Variants in DYTN observed in about 807,000 individuals in gnomAD.
The protein encoded by DYTN is dystrotelin.
Under a neutral mutation model 69.6 loss-of-function variants are expected in DYTN, and 75 were observed. The ratio of observed to expected loss-of-function variants is 1.08; its 90% CI spans 0.89 to 1.31. The LOEUF (loss-of-function observed/expected upper bound fraction) is 1.31, where lower values mean the gene tolerates loss of function less well. Among genes scored for constraint, DYTN ranks in the 50% most tolerant of loss-of-function variants. The pLI, the probability that DYTN is intolerant of heterozygous loss-of-function variation, is 0.00. For synonymous variants in DYTN, 252 were observed against 249.1 expected (o/e 1.01, Z -0.11); for missense variants, 726 against 688.4 (o/e 1.05, Z -0.61).
At position 206,707,410 on chromosome 2, in the gene DYTN, G is replaced by A. The variant is rs1308541447; in HGVS notation, c.188C>T (p.Ser63Phe). ...RKHSLSVQQL[S>F]QALQELFQKA... ...CTGAAACAGCTCTTGGAGTGCCTGA[G>A]AAAGTTGCTGCACAGAAAGGGAGTG... The change falls in exon 3 of 12, where the codon TCT (serine) becomes TTT (phenylalanine). Residue 63 changes from serine (S) to phenylalanine (F), a missense_variant. Ser to Phe is a radical substitution (Grantham distance 155). Coordinates refer to ENST00000452335, the MANE Select transcript of DYTN (RefSeq NM_001093730.1). 9.9e-6 allele frequency: 16 copies of A among 1,613,338 alleles called. No homozygotes were observed. Among genetic ancestry groups the A allele is most frequent in the Non-Finnish European group, 1.4e-5 (16 of 1,179,712 alleles).
chr2:206,668,291 A>G (rs1256682474), intron 9 of DYTN, among the ~76,000 whole-genome samples: 1 of 152,218 alleles, frequency 6.6e-6, no homozygotes, highest in Admixed American at 6.5e-5. Flanking sequence ...CTGGACAACT[A>G]GAAGACATAA....
rs559507280 is a variant in DYTN at position 206,663,187 on chromosome 2, A to C, written c.1349T>G (p.Leu450Arg). 1 of 1,613,950 alleles carries C rather than the reference A, an allele frequency of 6.2e-7. No individual in the cohort carries two copies. The highest frequency in any genetic ancestry group is 1.3e-5 in the African/African-American group (1 of 75,036). The change falls in exon 11 of 12, where the codon CTG (leucine) becomes CGG (arginine). Residue 450 changes from leucine to arginine, a missense_variant. Transcript: ENST00000452335. The stretch of plus-strand genomic sequence containing the variant: ...GGTCTCTGGTGATTCTGGATTTCGC[A>C]GAGCATGCTCTGCATTTGTGTGACT... ...HRSHTNAEHALRNPESPETTL... is the reference protein window; with the variant it reads ...HRSHTNAEHARRNPESPETTL...
intron 7 of DYTN, among the ~76,000 whole-genome samples, chr2:206,696,538 TGTTGACCCA>T: frequency 6.6e-6 from 1 of 152,308 alleles, no homozygotes; most frequent in East Asian, 1.9e-4. Context: ...AGTGTACATG[TGTTGACCCA>T]GTTAATCCCC....
chr2:206,697,841 T>A (rs1699937398), intron 7 of DYTN, among the ~76,000 whole-genome samples: 1 of 152,212 alleles, frequency 6.6e-6, no homozygotes, highest in Admixed American at 6.5e-5. Context: ...GGGTAGCATT[T>A]CTCGGCCTCT....
In DYTN at chr2:206,699,852, A is replaced by C. The variant is rs749296158; in HGVS notation, c.594T>G (p.Ser198=). The part of the protein sequence containing the change: ...SPAIKEEKFL[S]WVQSEPPILL... ...GGATGGGAGGCTCAGATTGGACCCA[A>C]GACAGGAATTTTTCTTCTTTGATTG... The change falls in exon 7 of 12, where the codon TCT becomes TCG. Residue 198 remains serine, a synonymous_variant. Transcript: ENST00000452335. 3.1e-6 allele frequency: 5 copies of C among 1,613,666 alleles called. No homozygotes were observed. The highest frequency in any genetic ancestry group is 4.2e-6 in the Non-Finnish European group (5 of 1,179,798).
chr2:206,704,949 C>T lies in DYTN; in HGVS notation c.383-6G>A. Reference sequence around the variant, plus strand: ...TGCATAGAGTTGAAAAAGAGCTAGACATGTAGGAGGAACAATCTTTAAATT... The same window carrying T: ...TGCATAGAGTTGAAAAAGAGCTAGATATGTAGGAGGAACAATCTTTAAATT... On this transcript the variant is annotated splice_region_variant and splice_polypyrimidine_tract_variant and intron_variant, in intron 4 of 11. Coordinates refer to ENST00000452335, the MANE Select transcript of DYTN (RefSeq NM_001093730.1). 1 of 1,610,550 alleles carries T rather than the reference C, an allele frequency of 6.2e-7. No homozygotes were observed. The highest frequency in any genetic ancestry group is 8.5e-7 in the Non-Finnish European group (1 of 1,177,374).
At chr2:206,657,674 C>T (rs1699465319) in intron 11 of DYTN, among the ~76,000 whole-genome samples, 1 of 152,090 alleles carries the variant, frequency 6.6e-6, no homozygotes, top group Admixed American at 6.5e-5. Flanking sequence ...CTTCTTTCAG[C>T]ACTTTGAATA....
chr2:206,716,105 C>CA (rs1030521689), intron 1 of DYTN, among the ~76,000 whole-genome samples: 3 of 151,808 alleles, frequency 2.0e-5, no homozygotes, highest in African/African-American at 4.8e-5. Flanking sequence ...AACAAACAAA[C>CA]AAAAAACAAA....
chr2:206,707,679 C>T (rs1559318024), intron 2 of DYTN, among the ~76,000 whole-genome samples, 176 bp from the exon 3 acceptor site: 2 of 152,180 alleles, frequency 1.3e-5, no homozygotes, highest in South Asian at 2.1e-4. Flanking sequence ...ATACTTCAGG[C>T]GTTACTATTC....
chr2:206,682,472 T>C (rs1261526246), intron 9 of DYTN, among the ~76,000 whole-genome samples: 2 of 152,154 alleles, frequency 1.3e-5, no homozygotes, highest in African/African-American at 4.8e-5. Context: ...CTTGGTTTTC[T>C]TCCCTCTCCA....
At chr2:206,680,095 G>A (rs968739478) in intron 9 of DYTN, among the ~76,000 whole-genome samples, 3 of 152,172 alleles carry the variant, frequency 2.0e-5, no homozygotes, top group African/African-American at 7.2e-5. Flanking sequence ...ACCCGAGATG[G>A]GGTAATTTAT....
At chr2:206,669,994 G>A (rs533025597) in intron 9 of DYTN, among the ~76,000 whole-genome samples, 207 of 152,336 alleles carry the variant, frequency 1.4e-3, no homozygotes, top group African/African-American at 4.8e-3. Context: ...CTTCTTACTG[G>A]GGAGCCAGGA....
intron 9 of DYTN, among the ~76,000 whole-genome samples, chr2:206,675,145 G>GTGTGTGTGTGTGTGTGTGTGTGTGTATA: frequency 1.7e-5 from 2 of 120,426 alleles, no homozygotes; most frequent in South Asian, 5.2e-4. Context: ...GTGTGTGTGT[G>GTGTGTGTGTGTGTGTGTGTGTGTGTATA]TATATATGTG....
At chr2:206,691,985 A>T (rs564864831) in intron 9 of DYTN, among the ~76,000 whole-genome samples, 1 of 152,178 alleles carries the variant, frequency 6.6e-6, no homozygotes, top group South Asian at 2.1e-4. Flanking sequence ...TTTTCTCAAA[A>T]GTGATGAGGC....
chr2:206,686,739 C>T (rs1699813737), intron 9 of DYTN: 1 of 152,370 alleles, frequency 6.6e-6, no homozygotes, highest in South Asian at 2.1e-4. Flanking sequence ...GCTTTTTGCA[C>T]ACCCACAGGT....
intron 5 of DYTN, among the ~76,000 whole-genome samples, chr2:206,703,101 G>C (rs540554655): frequency 1.3e-5 from 2 of 152,116 alleles, no homozygotes; most frequent in Non-Finnish European, 2.9e-5. Context: ...CCTGGGGTGC[G>C]GGTAGGGGCG....
intron 2 of DYTN, among the ~76,000 whole-genome samples, chr2:206,709,480 CAT>C (rs913155130): frequency 6.6e-6 from 1 of 151,878 alleles, no homozygotes; most frequent in African/African-American, 2.4e-5. Flanking sequence ...CACACACACA[CAT>C]ACAAGCAAAC....
chr2:206,710,220 G>A (rs10490749), intron 2 of DYTN, among the ~76,000 whole-genome samples: 28,121 of 152,012 alleles, frequency 0.18, 2,729 homozygotes, highest in East Asian at 0.23. Context: ...GTCCATATTG[G>A]TATCCTGAAA....
intron 1 of DYTN, among the ~76,000 whole-genome samples, chr2:206,713,597 T>A: frequency 6.6e-6 from 1 of 151,992 alleles, no homozygotes; most frequent in East Asian, 1.9e-4. Context: ...ACATTTAGAG[T>A]TAGGAGGACA....
Sources: gnomAD v4.1 joint callset for allele counts (sites outside exome capture counted in the v4.1 genomes callset) on GRCh38, gnomAD v4.1.1 for gene constraint, MANE v1.5 for transcripts, NCBI Gene and HGNC (gene_info 2026-07-23, HGNC 2026-07-21) for gene names.